The following GFRA1 variants were observed in gnomAD, a reference collection of about 807,000 sequenced individuals.
The protein encoded by GFRA1 is GDNF family receptor alpha-1.
A neutral mutation model predicts 51.6 loss-of-function variants in GFRA1; 16 were observed. The observed-to-expected ratio is 0.31, with a 90% confidence interval of 0.21 to 0.47. GFRA1 has a LOEUF of 0.47. Among genes scored for constraint, GFRA1 ranks in the 20% least tolerant of loss-of-function variants. The pLI is 1.00. For synonymous variants in GFRA1, 270 were observed against 241.3 expected (o/e 1.12, Z -1.10); for missense variants, 530 against 594.3 (o/e 0.89, Z 1.13).
At chr10:116,119,699 T>C (rs1310122999) in intron 6 of GFRA1, among the ~76,000 whole-genome samples, 1 of 152,360 alleles carries the variant, frequency 6.6e-6, no homozygotes, top group Non-Finnish European at 1.5e-5. Flanking sequence ...CAGTAGAGGA[T>C]GTCCTTGATC....
Position 116,250,328 on chromosome 10 carries a change from A to C in GFRA1, c.418+19175T>G, listed in dbSNP as rs551988523. Among the ~76,000 whole-genome samples, 13 of 152,278 alleles carry C rather than the reference A, an allele frequency of 8.5e-5. 1 individual carries two copies. In the East Asian group the frequency reaches 2.5e-3, roughly 29 times the overall value. ...CTAAGGAGAGAGGACCCAGGGCGCTAAGTCCCCACTCTAGCCCCATTTTGT... is the reference window on the plus strand; with the variant it reads ...CTAAGGAGAGAGGACCCAGGGCGCTCAGTCCCCACTCTAGCCCCATTTTGT... On this transcript the variant is annotated intron_variant, in intron 4 of 10. Transcript: ENST00000355422.
chr10:116,184,940 G>A (rs1021311357), intron 5 of GFRA1, among the ~76,000 whole-genome samples: 1 of 152,142 alleles, frequency 6.6e-6, no homozygotes, highest in Non-Finnish European at 1.5e-5. Context: ...AGCTCCAGAG[G>A]TGGCATCATC....
intron 5 of GFRA1, among the ~76,000 whole-genome samples, chr10:116,126,353 C>A (rs1301128637): frequency 6.6e-6 from 1 of 152,264 alleles, no homozygotes; most frequent in East Asian, 1.9e-4. Flanking sequence ...ACCAGGGAAG[C>A]CAGTGCTGTC....
At chr10:116,183,731 T>C (rs1327030993) in intron 5 of GFRA1, among the ~76,000 whole-genome samples, 2 of 152,178 alleles carry the variant, frequency 1.3e-5, no homozygotes, top group Admixed American at 1.3e-4. Context: ...ACTCACCTAC[T>C]CTTAACACTC....
intron 4 of GFRA1, among the ~76,000 whole-genome samples, chr10:116,213,284 C>T (rs1965336805): frequency 6.6e-6 from 1 of 152,092 alleles, no homozygotes; most frequent in Non-Finnish European, 1.5e-5. Context: ...AGGAATCAAG[C>T]CAAATATAAT....
intron 6 of GFRA1, among the ~76,000 whole-genome samples, chr10:116,102,707 T>G (rs374578697): frequency 6.6e-6 from 1 of 152,126 alleles, no homozygotes; most frequent in Admixed American, 6.5e-5. Context: ...TTCACTACCA[T>G]GAGAAGAGTA....
chr10:116,254,543 C>T (rs7908458), intron 4 of GFRA1, among the ~76,000 whole-genome samples: 2,503 of 151,852 alleles, frequency 0.016, 62 homozygotes, highest in African/African-American at 0.058. Context: ...AGAAAGAAAG[C>T]ATCTCCTGCC....
At position 116,160,388 on chromosome 10, in the gene GFRA1, G is replaced by T. The variant is rs550588147; in HGVS notation, c.434-34831C>A. Among the ~76,000 whole-genome samples, 22 of 152,300 alleles carry T rather than the reference G, an allele frequency of 1.4e-4. No individual in the cohort carries two copies. In the South Asian group the frequency reaches 3.9e-3, roughly 27 times the overall value. On this transcript the variant is annotated intron_variant, in intron 5 of 10. Coordinates refer to ENST00000355422, the MANE Select transcript of GFRA1 (RefSeq NM_005264.8). Reference sequence around the variant, plus strand: ...GGGTGTTTAGCACTTTCCCATAATAGTTATTTCGGTATATGTCTTGTTTCT... The same window carrying T: ...GGGTGTTTAGCACTTTCCCATAATATTTATTTCGGTATATGTCTTGTTTCT...
intron 5 of GFRA1, among the ~76,000 whole-genome samples, chr10:116,137,357 A>T (rs1958371602): frequency 1.3e-5 from 2 of 152,212 alleles, no homozygotes; most frequent in African/African-American, 4.8e-5. Context: ...CAGGGCCCTC[A>T]CAGTGCGGAT....
intron 6 of GFRA1, among the ~76,000 whole-genome samples, chr10:116,120,856 C>T (rs1957613152): frequency 6.6e-6 from 1 of 152,224 alleles, no homozygotes; most frequent in Non-Finnish European, 1.5e-5. Flanking sequence ...GGCAAGGCCA[C>T]TAAACCACCA....
intron 9 of GFRA1, among the ~76,000 whole-genome samples, chr10:116,066,555 G>C (rs536530772): frequency 2.0e-5 from 3 of 152,144 alleles, no homozygotes; most frequent in Non-Finnish European, 4.4e-5. Flanking sequence ...TGTGAAAACT[G>C]ACCTGGTACA....
intron 5 of GFRA1, among the ~76,000 whole-genome samples, chr10:116,176,110 T>G (rs1961564674): frequency 6.6e-6 from 1 of 152,216 alleles, no homozygotes; most frequent in Non-Finnish European, 1.5e-5. Flanking sequence ...TATGCTTTTA[T>G]AGCCCAAGGA....
chr10:116,207,973 G>A (rs1036698790), intron 5 of GFRA1, among the ~76,000 whole-genome samples: 3 of 152,036 alleles, frequency 2.0e-5, no homozygotes, highest in African/African-American at 7.2e-5. Flanking sequence ...TGTTTTTGCA[G>A]CATCCAGAGT....
chr10:116,259,671 G>A (rs1407578471), intron 4 of GFRA1, among the ~76,000 whole-genome samples: 1 of 152,154 alleles, frequency 6.6e-6, no homozygotes, highest in African/African-American at 2.4e-5. Context: ...AGGGAGAAAA[G>A]GGAGTAGATA....
At chr10:116,164,240 T>C (rs1192203066) in intron 5 of GFRA1, among the ~76,000 whole-genome samples, 1 of 151,992 alleles carries the variant, frequency 6.6e-6, no homozygotes, top group Non-Finnish European at 1.5e-5. Flanking sequence ...TCTGTAAGAA[T>C]TAACTGCAAG....
At chr10:116,162,091 CTTTG>C (rs1959870693) in intron 5 of GFRA1, among the ~76,000 whole-genome samples, 1 of 152,176 alleles carries the variant, frequency 6.6e-6, no homozygotes, top group Non-Finnish European at 1.5e-5. Flanking sequence ...TCTTTCCTGA[CTTTG>C]TTTGCTGGAA....
At chr10:116,070,222 A>G (rs1955315997) in intron 9 of GFRA1, among the ~76,000 whole-genome samples, 1 of 152,206 alleles carries the variant, frequency 6.6e-6, no homozygotes, top group Non-Finnish European at 1.5e-5. Flanking sequence ...CTGTTTGCTT[A>G]ATGACAGAAT....
chr10:116,065,948 T>A (rs1415068807), intron 9 of GFRA1, among the ~76,000 whole-genome samples: 26 of 152,218 alleles, frequency 1.7e-4, no homozygotes, highest in Non-Finnish European at 8.8e-5. Flanking sequence ...CAATTCAGAC[T>A]TACCCCATTT....
At chr10:116,219,616 C>T (rs1455564949) in intron 4 of GFRA1, among the ~76,000 whole-genome samples, 1 of 152,116 alleles carries the variant, frequency 6.6e-6, no homozygotes, top group Non-Finnish European at 1.5e-5. Flanking sequence ...CATTAAGAGC[C>T]TAAACAAAAG....
Sources: allele counts gnomAD v4.1 joint callset (sites outside exome capture counted in the v4.1 genomes callset), GRCh38; gene constraint gnomAD v4.1.1; transcripts MANE v1.5; gene names NCBI Gene and HGNC (gene_info 2026-07-23, HGNC 2026-07-21).